Variants in LACTB2 observed in about 807,000 individuals in gnomAD.
LACTB2 encodes lactamase beta 2.
In LACTB2, 32 loss-of-function variants were observed where a neutral mutation model predicts 34.8. The ratio of observed to expected loss-of-function variants is 0.92; its 90% CI spans 0.69 to 1.24. LACTB2 has a LOEUF of 1.24. Among genes scored for constraint, LACTB2 ranks in the 50% most tolerant of loss-of-function variants. The pLI, the probability that LACTB2 is intolerant of heterozygous loss-of-function variation, is 0.00. For synonymous variants in LACTB2, 120 were observed against 117.5 expected, an observed-to-expected ratio of 1.02 and a Z score of -0.14; for missense variants, 320 against 345.0, an observed-to-expected ratio of 0.93 and a Z score of 0.57.
chr8:70,646,255 A>G lies in LACTB2; in HGVS notation c.414-2012T>C, dbSNP rs375947779. ...GCACAGCAAAAGAAACTACCATCAG[A>G]GTGAACAGGCAACCTACAGAATGGG... On this transcript the variant is annotated intron_variant, in intron 3 of 6. Transcript: ENST00000276590. 4.6e-5 allele frequency: 7 copies of G among 152,348 alleles called. No homozygotes were observed. The East Asian group carries it at 7.7e-4, about 17-fold the overall frequency. The allele number at this position is 152,348 out of a possible 1,614,324, so 9.4% of individuals were successfully genotyped here.
intron 2 of LACTB2, 138 bp downstream of exon 2, chr8:70,661,596 C>T (rs1173448771): frequency 1.2e-5 from 8 of 691,156 alleles, no homozygotes; most frequent in Non-Finnish European, 1.9e-5. Flanking sequence ...ATTCAACAGT[C>T]TAATCAATTT....
intron 1 of LACTB2, among the ~76,000 whole-genome samples, chr8:70,667,118 A>T (rs971510247): frequency 1.3e-5 from 2 of 152,248 alleles, no homozygotes; most frequent in Non-Finnish European, 2.9e-5. Flanking sequence ...TAAAGATTTG[A>T]TAAAGAAGAT....
intron 3 of LACTB2, among the ~76,000 whole-genome samples, chr8:70,655,593 C>T (rs949698400): frequency 1.3e-5 from 2 of 152,162 alleles, no homozygotes; most frequent in East Asian, 1.9e-4. Flanking sequence ...TTTATCCACT[C>T]GTTGATGGAT....
intron 1 of LACTB2, among the ~76,000 whole-genome samples, chr8:70,665,517 C>G (rs1359478635): frequency 2.6e-5 from 4 of 152,154 alleles, no homozygotes; most frequent in African/African-American, 9.7e-5. Flanking sequence ...ACAGTGTTAT[C>G]TAGATGTTAT....
intron 5 of LACTB2, among the ~76,000 whole-genome samples, chr8:70,640,210 C>G (rs776413020): frequency 4.6e-5 from 7 of 152,190 alleles, no homozygotes; most frequent in Non-Finnish European, 8.8e-5. Flanking sequence ...AAACCTCCCA[C>G]TTAGCCTCCC....
chr8:70,644,099 C>T lies in LACTB2; in HGVS notation c.558G>A (p.Glu186=). 6.3e-7 allele frequency: 1 copy of T among 1,586,110 alleles called. No homozygotes were observed. The highest frequency in any genetic ancestry group is 8.6e-7 in the Non-Finnish European group (1 of 1,169,194). The change falls in exon 4 of 7, where the codon GAG becomes GAA. Residue 186 remains glutamate, a synonymous_variant. Transcript: ENST00000276590. ...TAATATCAGCTTTGATTTTCAATAACTCTTTTAAAGAGTTCATATAATCAT... is the reference window on the plus strand; with the variant it reads ...TAATATCAGCTTTGATTTTCAATAATTCTTTTAAAGAGTTCATATAATCAT... ...DLYDYMNSLK[E]LLKIKADIIY...
chr8:70,645,842 G>A (rs1318246820), intron 3 of LACTB2, among the ~76,000 whole-genome samples: 2 of 152,060 alleles, frequency 1.3e-5, no homozygotes, highest in Non-Finnish European at 2.9e-5. Context: ...TTTTATGGCT[G>A]CATAGTATTC....
intron 2 of LACTB2, chr8:70,660,034 C>T (rs1478413810): frequency 1.3e-5 from 2 of 152,052 alleles, no homozygotes; most frequent in Non-Finnish European, 2.9e-5. Context: ...GGGCCATAAA[C>T]ATTTTAATTT....
chr8:70,660,546 A>C (rs538707387), intron 2 of LACTB2: 42 of 451,958 alleles, frequency 9.3e-5, no homozygotes, highest in African/African-American at 7.8e-4. Flanking sequence ...TACTAGCTCA[A>C]TGTAAATAAG....
At chr8:70,638,489 G>A (rs1357352988) in intron 6 of LACTB2, 59 bp downstream of exon 6, 2 of 1,469,180 alleles carry the variant, frequency 1.4e-6, no homozygotes, top group Non-Finnish European at 1.8e-6. Flanking sequence ...AGGAAACTAA[G>A]GCATCTGTAA....
At chr8:70,649,662 A>G (rs1323837278) in intron 3 of LACTB2, among the ~76,000 whole-genome samples, 3 of 152,186 alleles carry the variant, frequency 2.0e-5, no homozygotes, top group East Asian at 3.9e-4. Context: ...ATTTTTTCTT[A>G]GTGGAAAGTT....
At chr8:70,661,360 T>G (rs1478770240) in intron 2 of LACTB2, 1 of 287,014 alleles carries the variant, frequency 3.5e-6, no homozygotes, top group Admixed American at 5.0e-5. Context: ...GTAACTGCCT[T>G]AAAGTTACAG....
Position 70,661,880 on chromosome 8 carries a change from G to C in LACTB2, c.140C>G (p.Thr47Ser). ...GTGPRRILID[T>S]GEPAIPEYIS... is the part of the protein sequence containing the mutation. ...GTATTCTGGAATTGCTGGTTCTCCAGTGTCAATGAGGATTCTCCTGAAAAT... is the reference window on the plus strand; with the variant it reads ...GTATTCTGGAATTGCTGGTTCTCCACTGTCAATGAGGATTCTCCTGAAAAT... The change falls in exon 2 of 7, where the codon ACT (threonine) becomes AGT (serine). Residue 47 changes from threonine to serine, a missense_variant. By Grantham distance (58) the Thr-to-Ser change is moderately conservative. Coordinates refer to ENST00000276590, the MANE Select transcript of LACTB2 (RefSeq NM_016027.3). The C allele has an allele frequency of 6.2e-7, 1 of 1,608,146 alleles. No individual in the cohort carries two copies. Among genetic ancestry groups the C allele is most frequent in the Non-Finnish European group, 8.5e-7 (1 of 1,178,088 alleles).
At chr8:70,647,675 A>AT (rs1408312408) in intron 3 of LACTB2, among the ~76,000 whole-genome samples, 1 of 152,230 alleles carries the variant, frequency 6.6e-6, no homozygotes, top group Non-Finnish European at 1.5e-5. Flanking sequence ...GGAAGCCTAA[A>AT]TAAGCAGCAG....
chr8:70,649,179 G>A (rs549848397), intron 3 of LACTB2, among the ~76,000 whole-genome samples: 40 of 152,262 alleles, frequency 2.6e-4, no homozygotes, highest in African/African-American at 9.4e-4. Flanking sequence ...AACAGAGGGG[G>A]TTTTAAGAAA....
Position 70,668,880 on chromosome 8 carries a change from G to A in LACTB2, c.122+119C>T, listed in dbSNP as rs1400968982. On this transcript the variant is annotated intron_variant, in intron 1 of 6. Transcript: ENST00000276590. Reference sequence around the variant, plus strand: ...AGTCCCGACGGGGCTGCTAGGCGCGGGGCTGCCCAGCTAGGGACAGGACGC... The same window carrying A: ...AGTCCCGACGGGGCTGCTAGGCGCGAGGCTGCCCAGCTAGGGACAGGACGC... The A allele has an allele frequency of 4.3e-6, 6 of 1,391,784 alleles. No homozygotes were observed. In the South Asian group the frequency reaches 8.4e-5, roughly 20 times the overall value. The allele number at this position is 1,391,784 out of a possible 1,614,324, so 86.2% of individuals were successfully genotyped here. A position where few individuals can be genotyped will look rare whatever the true frequency, so the allele number is the denominator to read the frequency against.
Position 70,644,243 on chromosome 8 carries a change from T to C in LACTB2, c.414A>G (p.Arg138=). 1 of 1,549,862 alleles carries C rather than the reference T, an allele frequency of 6.5e-7. No individual in the cohort carries two copies. The highest frequency in any genetic ancestry group is 8.7e-7 in the Non-Finnish European group (1 of 1,151,544). ...DVIKTEGATL[R]VLYTPGHTDD... ...CAGTGTGGCCAGGGGTATATAGAAC[T>C]CTGGTTGAAAGAAGAAATAAGGAAT... Residue 138 remains arginine, a splice_region_variant and synonymous_variant, in exon 4 of 7, where the codon AGA becomes AGG. Transcript: ENST00000276590.
chr8:70,646,981 A>G (rs1038974914), intron 3 of LACTB2, among the ~76,000 whole-genome samples: 4 of 152,162 alleles, frequency 2.6e-5, no homozygotes, highest in Non-Finnish European at 5.9e-5. Flanking sequence ...GTAGTAGTTA[A>G]TTTTAGTAAT....
intron 1 of LACTB2, among the ~76,000 whole-genome samples, chr8:70,663,899 G>C (rs780917910): frequency 6.6e-6 from 1 of 152,134 alleles, no homozygotes; most frequent in African/African-American, 2.4e-5. Flanking sequence ...CTTCAGGGCA[G>C]AAAGCTTGTC....
Sources: gnomAD v4.1 joint callset for allele counts (sites outside exome capture counted in the v4.1 genomes callset) on GRCh38, gnomAD v4.1.1 for gene constraint, MANE v1.5 for transcripts, NCBI Gene and HGNC (gene_info 2026-07-23, HGNC 2026-07-21) for gene names.